Variants in PKHD1 observed in about 807,000 individuals in gnomAD.
PKHD1 encodes the protein fibrocystin.
A neutral mutation model predicts 412.0 loss-of-function variants in PKHD1; 291 were observed. That is an observed-to-expected ratio of 0.71 (90% CI 0.64 to 0.78). The LOEUF is 0.78. PKHD1 is among the 30% of genes least tolerant of loss of function. The pLI is 0.00. For missense variants in PKHD1, 4,825 were observed against 4,950.7 expected (o/e 0.97, Z 0.76); for synonymous variants, 1,777 against 1,821.5 (o/e 0.98, Z 0.62).
chr6:51,822,065 G>C (rs1187044249), intron 52 of PKHD1, among the ~76,000 whole-genome samples: 3 of 152,138 alleles, frequency 2.0e-5, no homozygotes, highest in Non-Finnish European at 4.4e-5. Flanking sequence ...AACCAGTTTG[G>C]TGGGACTGAG....
intron 35 of PKHD1, among the ~76,000 whole-genome samples, chr6:51,970,551 C>G (rs1243007564): frequency 6.6e-6 from 1 of 152,084 alleles, no homozygotes; most frequent in African/African-American, 2.4e-5. Flanking sequence ...AAAGTTTTTC[C>G]TAGGTTTTCT....
chr6:52,068,286 C>T (rs1220165620), intron 11 of PKHD1, among the ~76,000 whole-genome samples: 1 of 152,226 alleles, frequency 6.6e-6, no homozygotes, highest in Non-Finnish European at 1.5e-5. Flanking sequence ...TCTCTTCCTA[C>T]AGCCTGCTCT....
chr6:52,035,494 T>C, intron 28 of PKHD1, 97 bp downstream of exon 28: 2 of 1,165,212 alleles, frequency 1.7e-6, no homozygotes, highest in Non-Finnish European at 2.6e-6. Context: ...GAAGTTTACA[T>C]CAGTTCATTT....
At chr6:51,893,555 T>A (rs1779426269) in intron 43 of PKHD1, among the ~76,000 whole-genome samples, 1 of 152,210 alleles carries the variant, frequency 6.6e-6, no homozygotes, top group Admixed American at 6.5e-5. Flanking sequence ...CTACAAATGA[T>A]TCATGAGGAA....
intron 60 of PKHD1, among the ~76,000 whole-genome samples, chr6:51,662,451 A>G (rs7772443): frequency 0.011 from 1,633 of 152,062 alleles, 31 homozygotes; most frequent in African/African-American, 0.037. Flanking sequence ...TATATCCTAA[A>G]TATTTAAAAT....
chr6:51,719,629 T>C (rs1781673126), intron 60 of PKHD1, among the ~76,000 whole-genome samples: 1 of 152,278 alleles, frequency 6.6e-6, no homozygotes, highest in East Asian at 1.9e-4. Flanking sequence ...CCCAAATGTG[T>C]TACTGTTTTT....
At chr6:51,700,795 A>C (rs1779327048) in intron 60 of PKHD1, among the ~76,000 whole-genome samples, 1 of 152,130 alleles carries the variant, frequency 6.6e-6, no homozygotes, top group Non-Finnish European at 1.5e-5. Flanking sequence ...TGCTTATATA[A>C]AAGGCTGAGT....
At chr6:52,082,085 G>C (rs1406783670) in intron 4 of PKHD1, among the ~76,000 whole-genome samples, 2 of 152,062 alleles carry the variant, frequency 1.3e-5, no homozygotes. Context: ...TATTTGCAAT[G>C]GCAAAATGGT....
Position 51,616,690 on chromosome 6 carries a change from C to G in PKHD1, c.*2391G>C. 2.5e-6 allele frequency: 1 copy of G among 398,450 alleles called. No homozygotes were observed. The highest frequency in any genetic ancestry group is 4.4e-6 in the Non-Finnish European group (1 of 225,982). 24.7% of individuals were successfully genotyped at this position (398,450 alleles called of 1,614,324 possible). ...GAGTCAATTCTGGCCTCAGGGATCACAGGCTTTTCTGGGATGGAATTAGTA... is the reference window on the plus strand; with the variant it reads ...GAGTCAATTCTGGCCTCAGGGATCAGAGGCTTTTCTGGGATGGAATTAGTA... On this transcript the variant is annotated 3_prime_UTR_variant, in exon 67 of 67. Coordinates refer to ENST00000371117, the MANE Select transcript of PKHD1 (RefSeq NM_138694.4).
At chr6:51,921,248 T>C (rs1784651582) in intron 37 of PKHD1, among the ~76,000 whole-genome samples, 1 of 152,184 alleles carries the variant, frequency 6.6e-6, no homozygotes, top group African/African-American at 2.4e-5. Context: ...CTGCTTTCTC[T>C]TGTGGGCAAT....
rs369601349 is a variant in PKHD1, at chr6:51,754,658, T to C, written c.8797+126A>G. ...GAGATAAGGCCACGTAGCATGAGTC[T>C]AGGTCAACAGGAAGGCATTGTTCTT... is the stretch of plus-strand genomic sequence containing the variant. On this transcript the variant is annotated intron_variant, in intron 56 of 66. Coordinates refer to ENST00000371117, the MANE Select transcript of PKHD1 (RefSeq NM_138694.4). The C allele has an allele frequency of 1.7e-3, 1,372 of 794,830 alleles. 10 individuals carry two copies. The highest frequency in any genetic ancestry group is 5.3e-3 in the South Asian group (376 of 70,678). The allele number at this position is 794,830 out of a possible 1,614,324, so 49.2% of individuals were successfully genotyped here.
At chr6:51,852,148 T>C (rs1034954959) in intron 49 of PKHD1, among the ~76,000 whole-genome samples, 1 of 152,230 alleles carries the variant, frequency 6.6e-6, no homozygotes, top group Non-Finnish European at 1.5e-5. Context: ...CTGTCTTAAT[T>C]TCATTATTTA....
chr6:51,776,684 G>T (rs1219181796), intron 53 of PKHD1, among the ~76,000 whole-genome samples: 1 of 152,016 alleles, frequency 6.6e-6, no homozygotes, highest in Admixed American at 6.6e-5. Context: ...CAACTATTAA[G>T]TAACAGAATC....
At chr6:51,639,598 A>T (rs1769073099) in intron 63 of PKHD1, among the ~76,000 whole-genome samples, 1 of 151,360 alleles carries the variant, frequency 6.6e-6, no homozygotes, top group Non-Finnish European at 1.5e-5. Flanking sequence ...ACAAAAACAA[A>T]AACAAAAAAA....
At chr6:51,974,698 T>G (rs959875739) in intron 35 of PKHD1, among the ~76,000 whole-genome samples, 2 of 152,154 alleles carry the variant, frequency 1.3e-5, no homozygotes, top group Admixed American at 1.3e-4. Flanking sequence ...CTTTGAGGAC[T>G]TGGGGAAAAG....
At chr6:51,830,741 C>A (rs1582923390) in intron 52 of PKHD1, 120 bp downstream of exon 52, 3 of 958,336 alleles carry the variant, frequency 3.1e-6, no homozygotes, top group Non-Finnish European at 5.0e-6. Flanking sequence ...AAGAATGAAA[C>A]AACATAAGTG....
intron 23 of PKHD1, among the ~76,000 whole-genome samples, chr6:52,047,471 A>T (rs1806041338): frequency 1.3e-5 from 2 of 152,150 alleles, no homozygotes; most frequent in Admixed American, 6.5e-5. Context: ...CTTGCTTCTG[A>T]TTCCCCATGT....
chr6:51,658,177 T>G (rs947869473), intron 61 of PKHD1, among the ~76,000 whole-genome samples: 1 of 152,160 alleles, frequency 6.6e-6, no homozygotes, highest in Non-Finnish European at 1.5e-5. Flanking sequence ...AAATTTTGAA[T>G]AATAATAAGC....
chr6:51,959,590 T>G (rs1791682458), intron 36 of PKHD1, among the ~76,000 whole-genome samples: 1 of 152,122 alleles, frequency 6.6e-6, no homozygotes, highest in African/African-American at 2.4e-5. Flanking sequence ...GACTAAAAAG[T>G]GCTTGAATAA....
Sources: gnomAD v4.1 joint callset for allele counts (sites outside exome capture counted in the v4.1 genomes callset) on GRCh38, gnomAD v4.1.1 for gene constraint, MANE v1.5 for transcripts, NCBI Gene and HGNC (gene_info 2026-07-23, HGNC 2026-07-21) for gene names.